NHSL1: variants seen among roughly 807,000 people sequenced by gnomAD.
NHSL1 encodes the protein NHS-like protein 1.
Under a neutral mutation model 95.0 loss-of-function variants are expected in NHSL1, and 48 were observed. That is an observed-to-expected ratio of 0.51 (90% CI 0.40 to 0.64). The LOEUF (loss-of-function observed/expected upper bound fraction) is 0.64, where lower values mean the gene tolerates loss of function less well. Ranked by LOEUF, NHSL1 falls within the 30% of genes least tolerant of loss-of-function variation. The pLI, the probability that NHSL1 is intolerant of heterozygous loss-of-function variation, is 0.00. For synonymous variants in NHSL1, 783 were observed against 833.9 expected (o/e 0.94, Z 1.05); for missense variants, 1,971 against 2,077.7 (o/e 0.95, Z 1.00).
chr6:138,485,628 T>C (rs531079653), intron 2 of NHSL1, among the ~76,000 whole-genome samples: 8 of 152,338 alleles, frequency 5.3e-5, no homozygotes, highest in South Asian at 2.1e-4. Context: ...CTTAGTATTA[T>C]AGAAAATTCC....
At chr6:138,446,963 C>T (rs1482961699) in intron 4 of NHSL1, 38 bp downstream of exon 4, 12 of 1,540,256 alleles carry the variant, frequency 7.8e-6, no homozygotes, top group Non-Finnish European at 9.7e-6. Flanking sequence ...GTCATTCTCC[C>T]AAGTACATTC....
intron 1 of NHSL1, among the ~76,000 whole-genome samples, chr6:138,565,987 A>G (rs1783600806): frequency 6.6e-6 from 1 of 151,602 alleles, no homozygotes; most frequent in African/African-American, 2.4e-5. Flanking sequence ...AATTTGACAG[A>G]ACATGTTATA....
intron 1 of NHSL1, among the ~76,000 whole-genome samples, chr6:138,655,506 T>C (rs915367706): frequency 6.6e-6 from 1 of 152,220 alleles, no homozygotes; most frequent in Non-Finnish European, 1.5e-5. Flanking sequence ...TGTGGAATGA[T>C]GTTTTAAAAA....
chr6:138,640,513 G>C (rs994584769), intron 1 of NHSL1, among the ~76,000 whole-genome samples: 1 of 152,106 alleles, frequency 6.6e-6, no homozygotes, highest in Non-Finnish European at 1.5e-5. Context: ...CTCAGAATAT[G>C]ATAAAGATGA....
chr6:138,677,280 C>T (rs1283013172), intron 1 of NHSL1, among the ~76,000 whole-genome samples: 1 of 152,148 alleles, frequency 6.6e-6, no homozygotes, highest in Non-Finnish European at 1.5e-5. Context: ...GGGTTTTATG[C>T]AATGAGTATT....
intron 2 of NHSL1, among the ~76,000 whole-genome samples, chr6:138,495,811 G>A (rs573494436): frequency 2.0e-5 from 3 of 152,264 alleles, no homozygotes; most frequent in East Asian, 3.9e-4. Context: ...TGGGGAGGCC[G>A]CACAATCATG....
chr6:138,472,183 C>CA (rs10668786), intron 3 of NHSL1, among the ~76,000 whole-genome samples: 29,623 of 92,186 alleles, frequency 0.32, 3,840 homozygotes, highest in African/African-American at 0.43. Flanking sequence ...AAGATCTCAC[C>CA]AAAAAAAAAA....
intron 3 of NHSL1, among the ~76,000 whole-genome samples, chr6:138,460,756 G>A (rs1777941936): frequency 1.3e-5 from 2 of 151,378 alleles, no homozygotes; most frequent in Admixed American, 6.6e-5. Flanking sequence ...AAATGTGTTA[G>A]AGATTTCCTG....
chr6:138,629,811 C>A (rs1784793323), intron 1 of NHSL1, among the ~76,000 whole-genome samples: 1 of 152,180 alleles, frequency 6.6e-6, no homozygotes, highest in African/African-American at 2.4e-5. Context: ...AAGCTTCAAA[C>A]CTTAATAAGC....
intron 1 of NHSL1, among the ~76,000 whole-genome samples, chr6:138,551,312 C>A (rs1782992878): frequency 6.6e-6 from 1 of 152,148 alleles, no homozygotes; most frequent in Non-Finnish European, 1.5e-5. Context: ...ATTTTCATAG[C>A]CATATCTCTA....
rs567955969 is a variant in NHSL1 at position 138,664,776 on chromosome 6, C to T, written c.96+27700G>A. ...TGGCTCATGCAATTGTCGGAGCTGG[C>T]TAATCTGAAATCTGCAAAGCAGGCC... On this transcript the variant is annotated intron_variant, in intron 1 of 3. Coordinates refer to the NHSL1 transcript ENST00000491526. Among the ~76,000 whole-genome samples, 9 of 152,360 alleles carry T rather than the reference C, an allele frequency of 5.9e-5. No individual in the cohort carries two copies. In the South Asian group the frequency reaches 1.9e-3, roughly 32 times the overall value.
chr6:138,635,932 G>A, intron 1 of NHSL1, among the ~76,000 whole-genome samples: 1 of 137,908 alleles, frequency 7.3e-6, no homozygotes, highest in African/African-American at 2.7e-5. Context: ...TGGTCAAATA[G>A]TGAAATGCCG....
At chr6:138,560,197 G>A (rs574527682) in intron 1 of NHSL1, among the ~76,000 whole-genome samples, 1 of 152,304 alleles carries the variant, frequency 6.6e-6, no homozygotes, top group South Asian at 2.1e-4. Context: ...TAAAGTCAGT[G>A]GCATAACCTT....
At chr6:138,464,206 T>C (rs1778192371) in intron 3 of NHSL1, 2 of 750,686 alleles carry the variant, frequency 2.7e-6, no homozygotes, top group African/African-American at 1.9e-5. Flanking sequence ...TGACAGAGGC[T>C]GAGAGGCTGC....
intron 2 of NHSL1, among the ~76,000 whole-genome samples, chr6:138,484,443 A>G (rs909477340): frequency 3.3e-5 from 5 of 152,204 alleles, no homozygotes; most frequent in Non-Finnish European, 1.5e-5. Flanking sequence ...TAAATATACA[A>G]TTTACATTGT....
In NHSL1 at chr6:138,571,806, TTGTC is replaced by T; in HGVS notation, c.102_105del (p.Thr35ArgfsTer37). The stretch of plus-strand genomic sequence containing the variant: ...TCTCCATCACTGCGAAACAGCCTCT[TTGTC>T]TGCCTGGACAAGGAGGAGAAATTTA... On this transcript the variant is annotated frameshift_variant, in exon 1 of 7. Transcript: ENST00000427025. LOFTEE classifies it high-confidence loss of function. 1.3e-6 allele frequency: 2 copies of T among 1,552,278 alleles called. No homozygotes were observed. The highest frequency in any genetic ancestry group is 1.2e-5 in the South Asian group (1 of 84,050).
chr6:138,600,271 T>C (rs1176142138), intron 1 of NHSL1, among the ~76,000 whole-genome samples: 1 of 152,234 alleles, frequency 6.6e-6, no homozygotes, highest in African/African-American at 2.4e-5. Flanking sequence ...TCTCACTCTA[T>C]TGCCCAGGCT....
chr6:138,669,352 C>G (rs1227371208), intron 1 of NHSL1, among the ~76,000 whole-genome samples: 2 of 152,066 alleles, frequency 1.3e-5, no homozygotes, highest in East Asian at 3.9e-4. Context: ...CCATAACAGA[C>G]GGGTGACTTG....
chr6:138,431,542 CAGGAGG>C lies in NHSL1; in HGVS notation c.2797_2802del (p.Pro933_Pro934del). On this transcript the variant is annotated inframe_deletion, in exon 6 of 8. Coordinates refer to ENST00000343505, the MANE Select transcript of NHSL1 (RefSeq NM_001144060.2). The surrounding 1 kb of genome is among the most constrained non-coding windows in gnomAD (Gnocchi z 4.0). ...GGACAAGGGAATGGAGGAGAGGGAACAGGAGGAGGAGGAGGAGCCGGGGGAGAGCCC... is the reference window on the plus strand; with the variant it reads ...GGACAAGGGAATGGAGGAGAGGGAACAGGAGGAGGAGCCGGGGGAGAGCCC... 1.9e-6 allele frequency: 3 copies of C among 1,549,926 alleles called. No individual in the cohort carries two copies. The highest frequency in any genetic ancestry group is 2.6e-6 in the Non-Finnish European group (3 of 1,145,984).
Sources: allele counts gnomAD v4.1 joint callset (sites outside exome capture counted in the v4.1 genomes callset), GRCh38; gene constraint gnomAD v4.1.1; non-coding constraint Gnocchi (gnomAD v3.1); transcripts MANE v1.5; gene names NCBI Gene and HGNC (gene_info 2026-07-23, HGNC 2026-07-21).